The following WDR11 variants were observed in gnomAD, a reference collection of about 807,000 sequenced individuals.
The protein encoded by WDR11 is WD repeat-containing protein 11.
In WDR11, 83 loss-of-function variants were observed where a neutral mutation model predicts 151.2. The observed-to-expected ratio is 0.55, with a 90% CI of 0.46 to 0.66. The LOEUF is 0.66. Ranked by LOEUF, WDR11 falls within the 30% of genes least tolerant of loss-of-function variation. The probability of loss-of-function intolerance (pLI) is 0.00; values close to 1 mark genes in which losing one functional copy is unlikely to be tolerated. For missense variants in WDR11, 1,301 were observed against 1,480.9 expected, an observed-to-expected ratio of 0.88 and a Z score of 1.99; for synonymous variants, 484 against 533.1, an observed-to-expected ratio of 0.91 and a Z score of 1.27.
chr10:120,889,918 G>A lies in WDR11; in HGVS notation c.2252G>A (p.Trp751Ter), dbSNP rs1422913836. 1.2e-6 allele frequency: 2 copies of A among 1,613,892 alleles called. No homozygotes were observed. Among genetic ancestry groups the A allele is most frequent in the Admixed American group, 3.3e-5 (2 of 60,028 alleles). The change falls in exon 18 of 29, where the codon TGG becomes TAG. Residue 751 changes from tryptophan (W) to a stop codon, truncating the protein, a stop_gained. Transcript: ENST00000263461. LOFTEE classifies it high-confidence loss of function. ...VSRGIPTHRS[W>*]VRKIRFAPGK... ...AGAGGAATACCCACACACCGAAGTTGGGTGAGGAAGATTCGTTTTGCTCCT... is the reference window on the plus strand; with the variant it reads ...AGAGGAATACCCACACACCGAAGTTAGGTGAGGAAGATTCGTTTTGCTCCT...
intron 28 of WDR11, chr10:120,908,137 C>G (rs971578028): frequency 4.7e-6 from 1 of 211,940 alleles, no homozygotes; most frequent in African/African-American, 2.3e-5. Flanking sequence ...AACCCAACAA[C>G]CAGATATAGG....
Position 120,906,859 on chromosome 10 carries a change from T to C in WDR11, c.3517+4T>C. 13 of 1,614,200 alleles carry C rather than the reference T, an allele frequency of 8.1e-6. No homozygotes were observed. Among genetic ancestry groups the C allele is most frequent in the Non-Finnish European group, 1.0e-5 (12 of 1,180,010 alleles). On this transcript the variant is annotated splice_donor_region_variant and intron_variant, in intron 28 of 28. Coordinates refer to ENST00000263461, the MANE Select transcript of WDR11 (RefSeq NM_018117.12). ...TTTGAAGTCACTGAGGACACAGATA[T>C]CCTTTGCAAGGTTGTTTGTAGTGAC...
chr10:120,895,630 T>G (rs1847586719), intron 19 of WDR11, among the ~76,000 whole-genome samples: 1 of 152,206 alleles, frequency 6.6e-6, no homozygotes. Context: ...ACAGACTGTC[T>G]ACAGAGGGGC....
chr10:120,893,977 C>G (rs1262420439), intron 19 of WDR11, among the ~76,000 whole-genome samples: 10 of 152,018 alleles, frequency 6.6e-5, no homozygotes, highest in Admixed American at 1.3e-4. Flanking sequence ...CCTGTTCACT[C>G]TGATGGTAGT....
intron 13 of WDR11, among the ~76,000 whole-genome samples, chr10:120,882,201 TC>T (rs34929201): frequency 1.3e-5 from 2 of 152,102 alleles, no homozygotes; most frequent in African/African-American, 4.8e-5. Context: ...AACATGACAT[TC>T]CCGGAATAAA....
Position 120,903,102 on chromosome 10 carries a change from A to C in WDR11, c.2801A>C (p.His934Pro). 6.2e-7 allele frequency: 1 copy of C among 1,614,198 alleles called. No homozygotes were observed. Among genetic ancestry groups the C allele is most frequent in the African/African-American group, 1.3e-5 (1 of 75,050 alleles). ...SELHFWTVAA[H>P]YLHSLSQEKS... ...CTGCACTTCTGGACTGTCGCTGCCC[A>C]CTACCTGCACAGCTTATCCCAGGAA... is the stretch of plus-strand genomic sequence containing the variant. The change falls in exon 23 of 29, where the codon CAC (histidine) becomes CCC (proline). Residue 934 changes from histidine (H) to proline (P), a missense_variant. Physicochemically the swap from His to Pro is moderately conservative, Grantham distance 77 (BLOSUM62 -2). Transcript: ENST00000263461.
At chr10:120,875,004 C>T (rs1038029543) in intron 11 of WDR11, among the ~76,000 whole-genome samples, 2 of 151,932 alleles carry the variant, frequency 1.3e-5, no homozygotes, top group African/African-American at 4.8e-5. Context: ...TGTGATGTTC[C>T]TCTCGCTGTG....
chr10:120,873,887 T>A lies in WDR11; in HGVS notation c.1520T>A (p.Leu507Gln). ...VLVYHLTSGL[L>Q]HKELSIHSCE... is the part of the protein sequence containing the mutation. ...GTGTACCATCTCACCAGTGGTCTGCTACACAAAGAGTTAAGCATCCACTCA... is the reference window on the plus strand; with the variant it reads ...GTGTACCATCTCACCAGTGGTCTGCAACACAAAGAGTTAAGCATCCACTCA... Residue 507 changes from leucine (L) to glutamine (Q), a missense_variant, in exon 11 of 29, where the codon CTA (leucine) becomes CAA (glutamine). By Grantham distance (113) the Leu-to-Gln change is moderately radical. Coordinates refer to ENST00000263461, the MANE Select transcript of WDR11 (RefSeq NM_018117.12). 6.2e-7 allele frequency: 1 copy of A among 1,613,386 alleles called. No individual in the cohort carries two copies. Among genetic ancestry groups the A allele is most frequent in the Non-Finnish European group, 8.5e-7 (1 of 1,179,442 alleles).
chr10:120,886,612 T>G (rs1847227193), intron 15 of WDR11, 77 bp from the exon 16 acceptor site: 23 of 1,567,092 alleles, frequency 1.5e-5, no homozygotes, highest in Non-Finnish European at 2.0e-5. Flanking sequence ...GTCTGTACTT[T>G]GGGCAAGTTA....
intron 9 of WDR11, among the ~76,000 whole-genome samples, chr10:120,870,782 GCAGTAAAAT>G (rs1846508693): frequency 6.6e-6 from 1 of 152,126 alleles, no homozygotes; most frequent in African/African-American, 2.4e-5. Context: ...CTTTCAAAAG[GCAGTAAAAT>G]GAGAAAAATG....
intron 10 of WDR11, among the ~76,000 whole-genome samples, chr10:120,872,481 T>C (rs369588064): frequency 6.6e-6 from 1 of 152,224 alleles, no homozygotes; most frequent in African/African-American, 2.4e-5. Context: ...ATAAGAGCTA[T>C]GGCAAGGTCT....
chr10:120,851,486 C>A lies in WDR11; in HGVS notation c.66C>A (p.His22Gln). The A allele has an allele frequency of 6.2e-7, 1 of 1,611,988 alleles. No homozygotes were observed. Among genetic ancestry groups the A allele is most frequent in the Non-Finnish European group, 8.5e-7 (1 of 1,179,684 alleles). The change falls in exon 1 of 29, where the codon CAC (histidine) becomes CAA (glutamine). Residue 22 changes from histidine to glutamine, a missense_variant. Physicochemically the swap from His to Gln is conservative, Grantham distance 24. Transcript: ENST00000263461. ...CCCTCACGGGGGCCCTCAACGCCCA[C>A]AACAAGGCGGCGGTGGACTGGTGAG... ...ARTLTGALNAHNKAAVDWGWQ... is the reference protein window; with the variant it reads ...ARTLTGALNAQNKAAVDWGWQ...
At chr10:120,876,566 C>T (rs969841092) in intron 11 of WDR11, among the ~76,000 whole-genome samples, 1 of 152,204 alleles carries the variant, frequency 6.6e-6, no homozygotes, top group African/African-American at 2.4e-5. Context: ...GCTTGCCATT[C>T]TGGCACTTCT....
chr10:120,875,576 C>G (rs12247484), intron 11 of WDR11, among the ~76,000 whole-genome samples: 47,229 of 152,148 alleles, frequency 0.31, 7,622 homozygotes, highest in East Asian at 0.42. Flanking sequence ...GCGATCTCAG[C>G]TCACTACAAT....
intron 9 of WDR11, 50 bp downstream of exon 9, chr10:120,867,219 C>T (rs1846347269): frequency 3.8e-6 from 5 of 1,302,412 alleles, no homozygotes; most frequent in Non-Finnish European, 5.6e-6. Context: ...TTCTGAAGGG[C>T]AAAATTAATA....
Position 120,905,858 on chromosome 10 carries a change from C to T in WDR11, c.3292-18C>T, listed in dbSNP as rs1158352800. The stretch of plus-strand genomic sequence containing the variant: ...GAGTGCAGGATGTTTTTGTTGTTAA[C>T]ACAGGCGTCTTTCTCAGGTCCGTTT... On this transcript the variant is annotated intron_variant, in intron 26 of 28. Transcript: ENST00000263461. 9.3e-6 allele frequency: 15 copies of T among 1,614,164 alleles called. No homozygotes were observed. In the East Asian group the frequency reaches 3.1e-4, roughly 34 times the overall value.
At chr10:120,862,604 T>A (rs1361732941) in intron 4 of WDR11, 131 bp from the exon 5 acceptor site, 16 of 945,168 alleles carry the variant, frequency 1.7e-5, no homozygotes, top group Middle Eastern at 6.0e-4. Flanking sequence ...CCCATTATGT[T>A]ATGAATGCAT....
chr10:120,851,621 C>T (rs1376456711), intron 1 of WDR11, 115 bp downstream of exon 1: 5 of 1,268,960 alleles, frequency 3.9e-6, no homozygotes, highest in South Asian at 1.3e-5. Context: ...GGCAGGGAGC[C>T]GCCCTCACGC....
chr10:120,875,607 T>G (rs1308049010), intron 11 of WDR11, among the ~76,000 whole-genome samples: 1 of 152,024 alleles, frequency 6.6e-6, no homozygotes, highest in Non-Finnish European at 1.5e-5. Flanking sequence ...TGGTTTCAGG[T>G]GATTCTTATG....
Sources: gnomAD v4.1 joint callset for allele counts (sites outside exome capture counted in the v4.1 genomes callset) on GRCh38, gnomAD v4.1.1 for gene constraint, MANE v1.5 for transcripts, NCBI Gene and HGNC (gene_info 2026-07-23, HGNC 2026-07-21) for gene names.